Variants in PRH1 observed in about 807,000 individuals in gnomAD.
PRH1 encodes salivary acidic proline-rich phosphoprotein 1/2.
In PRH1, 7 loss-of-function variants were observed where a neutral mutation model predicts 7.9. The observed-to-expected ratio is 0.89, with a 90% CI of 0.50 to 1.67. The LOEUF is 1.67. Among genes scored for constraint, PRH1 ranks in the 40% most tolerant of loss-of-function variants. PRH1 has a pLI of 0.00. For synonymous variants in PRH1, 45 were observed against 80.8 expected, an observed-to-expected ratio of 0.56 and a Z score of 2.38; for missense variants, 109 against 223.6, an observed-to-expected ratio of 0.49 and a Z score of 3.27.
intron 1 of PRH1, among the ~76,000 whole-genome samples, chr12:11,103,278 TGGAACCAA>T (rs1945310405): frequency 6.6e-6 from 1 of 152,018 alleles, no homozygotes; most frequent in Non-Finnish European, 1.5e-5. Flanking sequence ...AGCAAAGACT[TGGAACCAA>T]CCCAAATGCC....
intron 1 of PRH1, among the ~76,000 whole-genome samples, chr12:11,013,319 T>C (rs1941146557): frequency 6.6e-6 from 1 of 152,142 alleles, no homozygotes; most frequent in South Asian, 2.1e-4. Flanking sequence ...GTAATTGATT[T>C]CAAAAATGGT....
rs572346783 is a variant in PRH1 at position 11,095,757 on chromosome 12, C to T, written n.124-48569G>A. Among the ~76,000 whole-genome samples, 168 of 114,742 alleles carry T rather than the reference C, an allele frequency of 1.5e-3. 39 individuals carry two copies. The highest frequency in any genetic ancestry group is 4.8e-3 in the African/African-American group (163 of 34,224). 75.3% of individuals were successfully genotyped at this position (114,742 alleles called of 152,430 possible). A position where few individuals can be genotyped will look rare whatever the true frequency, so the allele number is the denominator to read the frequency against. On this transcript the variant is annotated intron_variant and non_coding_transcript_variant, in intron 1 of 4. Transcript: ENST00000541977. ...GTTCCAGACTGCAGTAAGCCATGAT[C>T]CTACCACTGAACTCCAGCGTGGACA...
intron 2 of PRH1, among the ~76,000 whole-genome samples, chr12:10,936,287 A>G (rs1465875692): frequency 6.6e-6 from 1 of 152,180 alleles, no homozygotes; most frequent in Non-Finnish European, 1.5e-5. Flanking sequence ...GCTAAGATCA[A>G]AAAATAAGAA....
chr12:11,154,548 G>C (rs35124606), intron 1 of PRH1, among the ~76,000 whole-genome samples: 69,115 of 151,926 alleles, frequency 0.45, 16,517 homozygotes, highest in Non-Finnish European at 0.52. Flanking sequence ...CTGAGCTCTA[G>C]GGGAGGTGGA....
chr12:11,031,269 C>T, intron 1 of PRH1: 1 of 1,613,902 alleles, frequency 6.2e-7, no homozygotes, highest in Non-Finnish European at 8.5e-7. Flanking sequence ...AAGCCATTAG[C>T]AAAATTTCCA....
At chr12:11,133,423 G>A (rs1416209748) in intron 1 of PRH1, 3 of 1,613,952 alleles carry the variant, frequency 1.9e-6, no homozygotes, top group Non-Finnish European at 2.5e-6. Flanking sequence ...TGAATGGGTG[G>A]GTTGAAGGAT....
chr12:11,066,348 G>C (rs1943810959), intron 1 of PRH1, among the ~76,000 whole-genome samples: 1 of 152,068 alleles, frequency 6.6e-6, no homozygotes, highest in African/African-American at 2.4e-5. Context: ...TGTATCATTT[G>C]CTTTGTCCTT....
At chr12:11,115,371 C>A (rs1945702439) in intron 1 of PRH1, among the ~76,000 whole-genome samples, 1 of 152,032 alleles carries the variant, frequency 6.6e-6, no homozygotes, top group Non-Finnish European at 1.5e-5. Flanking sequence ...TATATATGCA[C>A]TCAACACTGG....
intron 1 of PRH1, among the ~76,000 whole-genome samples, chr12:11,162,767 T>C (rs1006559594): frequency 2.6e-5 from 4 of 152,132 alleles, no homozygotes; most frequent in African/African-American, 9.7e-5. Flanking sequence ...AAACTCTATG[T>C]CCCCAACAAA....
intron 2 of PRH1, among the ~76,000 whole-genome samples, chr12:10,918,976 A>G (rs995994117): frequency 2.0e-5 from 3 of 152,158 alleles, no homozygotes; most frequent in Non-Finnish European, 2.9e-5. Flanking sequence ...TCTTCCAGTC[A>G]TGCTATTAAA....
At chr12:11,108,533 T>A (rs1265557727) in intron 1 of PRH1, among the ~76,000 whole-genome samples, 1 of 151,944 alleles carries the variant, frequency 6.6e-6, no homozygotes. Flanking sequence ...CGAAGGAGGG[T>A]GTGGTGTTGC....
At chr12:11,070,747 T>C (rs1227316823) in intron 1 of PRH1, among the ~76,000 whole-genome samples, 1 of 119,120 alleles carries the variant, frequency 8.4e-6, no homozygotes, top group Non-Finnish European at 2.0e-5. Flanking sequence ...GAACTAACAC[T>C]AATTATCTAG....
chr12:11,107,768 A>G (rs1945465893), intron 1 of PRH1, among the ~76,000 whole-genome samples: 1 of 152,250 alleles, frequency 6.6e-6, no homozygotes, highest in African/African-American at 2.4e-5. Flanking sequence ...GATTTCAAAA[A>G]AGGGACTACT....
At chr12:10,885,420 T>C (rs1335055810), upstream of PRH1, among the ~76,000 whole-genome samples, 2 of 152,142 alleles carry the variant, frequency 1.3e-5, no homozygotes, top group Non-Finnish European at 2.9e-5. Flanking sequence ...TACAAAGGTG[T>C]CCTTTATTTA....
At chr12:11,051,071 T>A (rs956816803), upstream of PRH1, among the ~76,000 whole-genome samples, 1 of 152,256 alleles carries the variant, frequency 6.6e-6, no homozygotes, top group African/African-American at 2.4e-5. Flanking sequence ...TAATGCAGTT[T>A]TGGAGGATTT....
intron 1 of PRH1, among the ~76,000 whole-genome samples, chr12:11,096,226 G>A (rs1945065534): frequency 1.7e-5 from 2 of 115,000 alleles, no homozygotes; most frequent in African/African-American, 2.9e-5. Flanking sequence ...TTCACTGTCT[G>A]TGGCCCTCTA....
intron 2 of PRH1, among the ~76,000 whole-genome samples, chr12:10,946,342 G>C (rs7969080): frequency 6.6e-5 from 10 of 152,078 alleles, no homozygotes; most frequent in African/African-American, 2.4e-4. Flanking sequence ...TGGTCCCTCC[G>C]TTTGGGGTCT....
rs539727866 is a variant in PRH1 at position 11,085,260 on chromosome 12, T to C, written n.124-38072A>G. Among the ~76,000 whole-genome samples the C allele has an allele frequency of 2.0e-5, 3 of 151,204 alleles. No homozygotes were observed. The South Asian group carries it at 6.2e-4, about 31-fold the overall frequency. On this transcript the variant is annotated intron_variant and non_coding_transcript_variant, in intron 1 of 4. Coordinates refer to the PRH1 transcript ENST00000541977. Reference sequence around the variant, plus strand: ...AAATGACTTTGAGAAATATGATTTGTTAACAGCATACTGTAAGGCAAATTT... The same window carrying C: ...AAATGACTTTGAGAAATATGATTTGCTAACAGCATACTGTAAGGCAAATTT...
chr12:11,162,119 G>A (rs1947436161), intron 1 of PRH1, among the ~76,000 whole-genome samples: 2 of 152,156 alleles, frequency 1.3e-5, no homozygotes, highest in African/African-American at 2.4e-5. Flanking sequence ...CTTTTCAGAT[G>A]CAGCCAAGGA....
Sources: allele counts gnomAD v4.1 joint callset (sites outside exome capture counted in the v4.1 genomes callset), GRCh38; gene constraint gnomAD v4.1.1; transcripts MANE v1.5; gene names NCBI Gene and HGNC (gene_info 2026-07-23, HGNC 2026-07-21).